AOAH: variants seen among roughly 807,000 people sequenced by gnomAD.
The protein encoded by AOAH is acyloxyacyl hydrolase (neutrophil).
AOAH carries 64 observed loss-of-function variants against 92.2 expected under a neutral mutation model. The ratio of observed to expected loss-of-function variants is 0.69; its 90% confidence interval spans 0.57 to 0.86. The LOEUF is 0.86. Ranked by LOEUF, AOAH falls within the 40% of genes least tolerant of loss-of-function variation. The pLI is 0.00. For missense variants in AOAH, 656 were observed against 694.6 expected, an observed-to-expected ratio of 0.94 and a Z score of 0.62; for synonymous variants, 263 against 254.5, an observed-to-expected ratio of 1.03 and a Z score of -0.32.
Position 36,670,635 on chromosome 7 carries a change from C to T in AOAH, c.290+3308G>A, listed in dbSNP as rs975837220. On this transcript the variant is annotated intron_variant, in intron 3 of 20. Coordinates refer to ENST00000617537, the MANE Select transcript of AOAH (RefSeq NM_001637.4). ...GACTACAGGCGCGCGCCACCACACC[C>T]GGCTAATTTTTTTTGTATTTTAGTA... is the stretch of plus-strand genomic sequence containing the variant. Among the ~76,000 whole-genome samples the T allele has an allele frequency of 4.6e-5, 7 of 152,184 alleles. No individual in the cohort carries two copies. In the South Asian group the frequency reaches 1.2e-3, roughly 27 times the overall value.
intron 16 of AOAH, among the ~76,000 whole-genome samples, chr7:36,536,462 T>C (rs4723537): frequency 0.57 from 86,004 of 151,740 alleles, 24,933 homozygotes; most frequent in African/African-American, 0.69. Flanking sequence ...AGCTGCTGAC[T>C]AAGATGAGAT....
intron 9 of AOAH, 126 bp downstream of exon 9, chr7:36,620,654 CA>C: frequency 1.3e-6 from 1 of 799,760 alleles, no homozygotes; most frequent in South Asian, 1.8e-5. Context: ...CTCTTCTAAG[CA>C]GCAGGAAAAG....
chr7:36,680,153 A>T (rs1225536896), intron 2 of AOAH, among the ~76,000 whole-genome samples: 1 of 152,062 alleles, frequency 6.6e-6, no homozygotes, highest in African/African-American at 2.4e-5. Flanking sequence ...GATTCTGTTG[A>T]CCCCTGACTA....
intron 1 of AOAH, among the ~76,000 whole-genome samples, chr7:36,687,917 G>T (rs1276359779): frequency 6.6e-6 from 1 of 152,168 alleles, no homozygotes; most frequent in East Asian, 1.9e-4. Flanking sequence ...ATGAGAGATT[G>T]CCAGTGAAGA....
At chr7:36,536,720 A>AG (rs763910006) in intron 16 of AOAH, among the ~76,000 whole-genome samples, 7 of 152,016 alleles carry the variant, frequency 4.6e-5, no homozygotes, top group Non-Finnish European at 1.0e-4. Flanking sequence ...AGGCCGAGGC[A>AG]GGTGGATCAC....
At chr7:36,683,962 C>T (rs1034903776) in intron 2 of AOAH, among the ~76,000 whole-genome samples, 1 of 151,600 alleles carries the variant, frequency 6.6e-6, no homozygotes, top group Non-Finnish European at 1.5e-5. Flanking sequence ...CCACTGCACT[C>T]CAGCCTGAGC....
intron 20 of AOAH, among the ~76,000 whole-genome samples, chr7:36,514,131 A>G (rs912075082): frequency 2.0e-5 from 3 of 152,138 alleles, no homozygotes; most frequent in African/African-American, 7.2e-5. Context: ...GGGACTGGAA[A>G]GGGAAGAGGT....
chr7:36,531,281 C>G (rs773626059), intron 18 of AOAH, among the ~76,000 whole-genome samples: 32 of 152,092 alleles, frequency 2.1e-4, no homozygotes, highest in Non-Finnish European at 1.2e-4. Flanking sequence ...TTTTTGTGTT[C>G]TCCAAGTTCT....
chr7:36,689,306 G>A (rs1797244459), intron 1 of AOAH, among the ~76,000 whole-genome samples: 1 of 152,162 alleles, frequency 6.6e-6, no homozygotes, highest in African/African-American at 2.4e-5. Flanking sequence ...TGGGTTGTAT[G>A]TTAGTCTGTT....
intron 19 of AOAH, among the ~76,000 whole-genome samples, chr7:36,527,665 G>T (rs541683013): frequency 6.6e-6 from 1 of 152,266 alleles, no homozygotes. Flanking sequence ...CTTTACGTGG[G>T]TTAGTTATTT....
At chr7:36,664,120 T>C (rs532494321) in intron 3 of AOAH, among the ~76,000 whole-genome samples, 2 of 152,146 alleles carry the variant, frequency 1.3e-5, no homozygotes, top group Non-Finnish European at 2.9e-5. Flanking sequence ...GGATAACAGA[T>C]CTTTATTAAA....
intron 1 of AOAH, among the ~76,000 whole-genome samples, chr7:36,720,795 C>CTGG (rs1799575650): frequency 1.0e-5 from 1 of 97,630 alleles, no homozygotes; most frequent in East Asian, 3.4e-4. Context: ...TCTGTGTATC[C>CTGG]CTGCTCTCGC....
At chr7:36,718,832 G>A (rs943544850) in intron 1 of AOAH, among the ~76,000 whole-genome samples, 1 of 152,128 alleles carries the variant, frequency 6.6e-6, no homozygotes, top group African/African-American at 2.4e-5. Context: ...TTTTTGGGGG[G>A]AGCAGTGAAA....
chr7:36,641,924 C>T (rs1245058619), intron 4 of AOAH, among the ~76,000 whole-genome samples: 1 of 152,132 alleles, frequency 6.6e-6, no homozygotes, highest in Non-Finnish European at 1.5e-5. Context: ...TAGTATATAG[C>T]CACGGTGGCT....
rs146981086 is a variant in AOAH, at chr7:36,594,417, T to C, written c.860A>G (p.Asn287Ser). 33 of 1,613,492 alleles carry C rather than the reference T, an allele frequency of 2.0e-5. No homozygotes were observed. The African/African-American group carries it at 3.2e-4, about 16-fold the overall frequency. ...ASQMSLNSFINLPTALTNELD... is the reference protein window; with the variant it reads ...ASQMSLNSFISLPTALTNELD... ...CTCGTTGGTAAGGGCTGTTGGTAGA[T>C]TGATGAAAGAGTTCTAAGGAAAACA... Residue 287 changes from asparagine to serine, a missense_variant, in exon 12 of 21, where the codon AAT becomes AGT. Coordinates refer to ENST00000617537, the MANE Select transcript of AOAH (RefSeq NM_001637.4).
At chr7:36,616,523 A>AGGTTCCAAACT in intron 10 of AOAH, 49 bp from the exon 11 acceptor site, 2 of 1,522,338 alleles carry the variant, frequency 1.3e-6, no homozygotes, top group Non-Finnish European at 1.8e-6. Context: ...AGTAGTTTGG[A>AGGTTCCAAACT]ACCTCCAGAC....
intron 12 of AOAH, among the ~76,000 whole-genome samples, chr7:36,592,796 C>G (rs147048275): frequency 6.6e-6 from 1 of 152,312 alleles, no homozygotes; most frequent in East Asian, 1.9e-4. Context: ...TTACTTGTTA[C>G]TTCTCAAAGG....
rs539825774 is a variant in AOAH, at chr7:36,601,132, G to A, written c.847-6702C>T. Among the ~76,000 whole-genome samples, 4 of 152,258 alleles carry A rather than the reference G, an allele frequency of 2.6e-5. No homozygotes were observed. In the East Asian group the frequency reaches 7.7e-4, roughly 29 times the overall value. On this transcript the variant is annotated intron_variant, in intron 11 of 20. Transcript: ENST00000617537. ...GGAAGTTCTGGGAGAATAGAGAGAG[G>A]ATATATCATCTGGTTTCTGCCTCTG... is the stretch of plus-strand genomic sequence containing the variant.
chr7:36,701,515 C>G (rs1798034469), intron 1 of AOAH, among the ~76,000 whole-genome samples: 1 of 150,452 alleles, frequency 6.6e-6, no homozygotes, highest in Non-Finnish European at 1.5e-5. Flanking sequence ...TATTTCTTAC[C>G]TGATATAATA....
Sources: allele counts gnomAD v4.1 joint callset (sites outside exome capture counted in the v4.1 genomes callset), GRCh38; gene constraint gnomAD v4.1.1; transcripts MANE v1.5; gene names NCBI Gene and HGNC (gene_info 2026-07-23, HGNC 2026-07-21).